DCPH1: variants seen among roughly 807,000 people sequenced by gnomAD.
The protein encoded by DCPH1 is damage control phosphatase 1.
At chr6:151,462,766 C>T in the DCPH1 span, among the ~76,000 whole-genome samples, 4 of 152,088 alleles carry the variant, frequency 2.6e-5, no homozygotes, top group African/African-American at 9.7e-5. Context: ...AGAAAACATT[C>T]TAAAATGAGA....
At chr6:151,469,001 A>C in the DCPH1 span, 1 of 1,614,252 alleles carries the variant, frequency 6.2e-7, no homozygotes, top group Non-Finnish European at 8.5e-7. Flanking sequence ...TTAAAAGCTG[A>C]AATTCAGGTT....
the DCPH1 span, chr6:151,454,728 A>G: frequency 2.8e-6 from 2 of 714,432 alleles, no homozygotes; most frequent in Non-Finnish European, 4.7e-6. Context: ...TGAAGGTATC[A>G]ATTTTCCTTT....
the DCPH1 span, chr6:151,454,573 G>T: frequency 6.4e-7 from 1 of 1,555,120 alleles, no homozygotes; most frequent in Non-Finnish European, 8.8e-7. Flanking sequence ...TACAATTAAA[G>T]ACAGAATACC....
the DCPH1 span, chr6:151,464,682 T>C: frequency 9.8e-7 from 1 of 1,017,740 alleles, no homozygotes; most frequent in Admixed American, 3.2e-5. Context: ...TGCTATACAG[T>C]TAACAAAACA....
At chr6:151,465,270 G>A in the DCPH1 span, among the ~76,000 whole-genome samples, 1 of 152,270 alleles carries the variant, frequency 6.6e-6, no homozygotes. Flanking sequence ...AGAACTATTA[G>A]GAGACGTGGT....
chr6:151,468,790 T>C, the DCPH1 span: 7 of 1,614,254 alleles, frequency 4.3e-6, no homozygotes, highest in Non-Finnish European at 5.9e-6. Flanking sequence ...TCATATATTT[T>C]GGACTCTGCC....
chr6:151,462,875 A>G, the DCPH1 span, among the ~76,000 whole-genome samples: 23 of 152,218 alleles, frequency 1.5e-4, no homozygotes, highest in Admixed American at 5.2e-4. Context: ...TTAATAAAAC[A>G]TTAGAACATG....
At chr6:151,455,355 C>T in the DCPH1 span, among the ~76,000 whole-genome samples, 24 of 152,260 alleles carry the variant, frequency 1.6e-4, no homozygotes, top group African/African-American at 2.2e-4. Context: ...TGGAGGATCC[C>T]GCCAGCCTCT....
At chr6:151,459,016 A>T in the DCPH1 span, among the ~76,000 whole-genome samples, 2 of 152,250 alleles carry the variant, frequency 1.3e-5, no homozygotes, top group East Asian at 3.9e-4. Flanking sequence ...ACGGGCCTGT[A>T]ATCCCAGGTA....
the DCPH1 span, among the ~76,000 whole-genome samples, chr6:151,461,475 A>C: frequency 6.6e-6 from 1 of 152,218 alleles, no homozygotes; most frequent in African/African-American, 2.4e-5. Flanking sequence ...GTGTGAGATC[A>C]GCCTGGCCAA....
At chr6:151,468,948 T>C in the DCPH1 span, 4 of 1,614,228 alleles carry the variant, frequency 2.5e-6, no homozygotes, top group Non-Finnish European at 3.4e-6. Context: ...TTCATCAGGC[T>C]CTGAATGGCT....
chr6:151,467,390 G>A, the DCPH1 span, among the ~76,000 whole-genome samples: 6 of 152,036 alleles, frequency 3.9e-5, no homozygotes, highest in East Asian at 1.9e-4. Flanking sequence ...CTGGAGGCCA[G>A]GAGATGGAAA....
the DCPH1 span, among the ~76,000 whole-genome samples, chr6:151,459,300 A>T: frequency 6.6e-6 from 1 of 152,258 alleles, no homozygotes; most frequent in Non-Finnish European, 1.5e-5. Flanking sequence ...ATTGAAATAG[A>T]TAATAAACGT....
the DCPH1 span, chr6:151,469,565 G>A: frequency 1.3e-5 from 2 of 153,296 alleles, no homozygotes; most frequent in African/African-American, 4.8e-5. Context: ...CTAGGAAAAT[G>A]CGCATCTTAA....
chr6:151,467,437 A>T, the DCPH1 span, among the ~76,000 whole-genome samples: 13,859 of 146,856 alleles, frequency 0.094, 1,860 homozygotes, highest in African/African-American at 0.32. Flanking sequence ...CATCTTTATT[A>T]AAAAAAAAAT....
At chr6:151,460,351 C>G in the DCPH1 span, among the ~76,000 whole-genome samples, 1 of 152,020 alleles carries the variant, frequency 6.6e-6, no homozygotes, top group Admixed American at 6.6e-5. Context: ...GATCTGCCCT[C>G]CTCGTCCTCC....
the DCPH1 span, chr6:151,468,478 T>C: frequency 6.2e-7 from 1 of 1,613,792 alleles, no homozygotes; most frequent in Non-Finnish European, 8.5e-7. Context: ...TCTTTGGTCA[T>C]TGCTTAGCAA....
the DCPH1 span, among the ~76,000 whole-genome samples, chr6:151,458,730 T>C: frequency 9.4e-4 from 142 of 150,934 alleles, 4 homozygotes; most frequent in South Asian, 9.8e-3. Context: ...CAAATGTTAC[T>C]GATGGACATT....
chr6:151,457,686 T>C, the DCPH1 span, among the ~76,000 whole-genome samples: 6 of 152,212 alleles, frequency 3.9e-5, no homozygotes, highest in Non-Finnish European at 8.8e-5. Context: ...AAAATGATCT[T>C]ATAAAAATAC....
Sources: gnomAD v4.1 joint callset for allele counts (sites outside exome capture counted in the v4.1 genomes callset) on GRCh38, gnomAD v4.1.1 for gene constraint, MANE v1.5 for transcripts, NCBI Gene and HGNC (gene_info 2026-07-23, HGNC 2026-07-21) for gene names.